The following GID4 variants were observed in gnomAD, a reference collection of about 807,000 sequenced individuals.
GID4 encodes glucose-induced degradation protein 4 homolog.
Under a neutral mutation model 32.4 loss-of-function variants are expected in GID4, and 7 were observed. That is an observed-to-expected ratio of 0.22 (90% CI 0.12 to 0.41). The LOEUF is 0.41. Ranked by LOEUF, GID4 falls within the 10% of genes least tolerant of loss-of-function variation. The pLI is 1.00. For synonymous variants in GID4, 166 were observed against 170.0 expected (o/e 0.98, Z 0.18); for missense variants, 309 against 400.0 (o/e 0.77, Z 1.94).
chr17:18,042,670 C>A (rs551840830), intron 1 of GID4, among the ~76,000 whole-genome samples: 7 of 152,292 alleles, frequency 4.6e-5, no homozygotes, highest in Admixed American at 3.9e-4. Flanking sequence ...TGGTAGATAA[C>A]TACCTGGGAG....
At chr17:18,045,256 C>T in intron 2 of GID4, 50 bp downstream of exon 2, 1 of 1,477,000 alleles carries the variant, frequency 6.8e-7, no homozygotes, top group East Asian at 2.3e-5. Flanking sequence ...TGGTGTGCTC[C>T]ACAGGCTCAT....
intron 5 of GID4, among the ~76,000 whole-genome samples, chr17:18,064,261 G>A (rs2045041129): frequency 6.6e-6 from 1 of 152,130 alleles, no homozygotes; most frequent in African/African-American, 2.4e-5. Context: ...CACAGCAGCT[G>A]CACCATTTTG....
At chr17:18,050,088 T>C (rs780711929) in intron 2 of GID4, among the ~76,000 whole-genome samples, 8 of 152,242 alleles carry the variant, frequency 5.3e-5, no homozygotes, top group Non-Finnish European at 1.0e-4. Flanking sequence ...ATAGTATTCC[T>C]TGGTGTATAT....
chr17:18,058,981 C>T lies in GID4; in HGVS notation c.708+12C>T, dbSNP rs1370483923. The T allele has an allele frequency of 6.6e-7, 1 of 1,525,312 alleles. No individual in the cohort carries two copies. The highest frequency in any genetic ancestry group is 9.1e-7 in the Non-Finnish European group (1 of 1,099,290). The allele number at this position is 1,525,312 out of a possible 1,614,324, so 94.5% of individuals were successfully genotyped here. On this transcript the variant is annotated intron_variant, in intron 4 of 5. Transcript: ENST00000268719. ...TCATGAGGTGGAAGGTAAGTTCCCA[C>T]CAGGTGGCCCTCCAGACTCCCAGCA...
rs555857854 is a variant in GID4 at position 18,049,507 on chromosome 17, C to T, written c.498+4301C>T. 3.9e-5 allele frequency among the ~76,000 whole-genome samples: 6 copies of T among 152,110 alleles called. No homozygotes were observed. The East Asian group carries it at 5.8e-4, about 15-fold the overall frequency. On this transcript the variant is annotated intron_variant, in intron 2 of 5. Transcript: ENST00000268719. ...TTGATCTATAGATAAACTTATGTCA[C>T]GGTTTACCTATGTAACTGTTGTGGA...
intron 3 of GID4, chr17:18,057,240 T>G: frequency 3.8e-6 from 2 of 519,490 alleles, no homozygotes; most frequent in Non-Finnish European, 6.8e-6. Context: ...GAGAACAGCC[T>G]GGCCAACATG....
At chr17:18,051,877 G>A (rs1216721464) in intron 2 of GID4, among the ~76,000 whole-genome samples, 2 of 151,770 alleles carry the variant, frequency 1.3e-5, no homozygotes, top group South Asian at 2.1e-4. Context: ...GATCAAGACC[G>A]TCCTGGCTAA....
At chr17:18,054,293 C>T in intron 3 of GID4, 59 bp downstream of exon 3, 1 of 1,089,888 alleles carries the variant, frequency 9.2e-7, no homozygotes, top group Non-Finnish European at 1.4e-6. Flanking sequence ...TGAAGAAATG[C>T]TGGGAGCCAG....
chr17:18,063,497 G>A (rs1567589729), intron 5 of GID4, among the ~76,000 whole-genome samples: 1 of 152,092 alleles, frequency 6.6e-6, no homozygotes. Context: ...CACCATAAGA[G>A]GAAACCCCAT....
chr17:18,065,435 C>G lies in GID4; in HGVS notation c.*192C>G, dbSNP rs922799976. ...TGGCCCGTGGGGCAGGTGGAGGGAG[C>G]AGTCTTCGTTCTTCCTCCCCTCAGT... On this transcript the variant is annotated 3_prime_UTR_variant, in exon 6 of 6. Transcript: ENST00000268719. 1 of 601,524 alleles carries G rather than the reference C, an allele frequency of 1.7e-6. No individual in the cohort carries two copies. The highest frequency in any genetic ancestry group is 3.0e-6 in the Non-Finnish European group (1 of 335,152). 37.3% of individuals were successfully genotyped at this position (601,524 alleles called of 1,614,324 possible).
chr17:18,042,171 ATCTT>A (rs2044809509), intron 1 of GID4, among the ~76,000 whole-genome samples: 2 of 151,984 alleles, frequency 1.3e-5, no homozygotes, highest in Non-Finnish European at 2.9e-5. Flanking sequence ...TTCTTTTTGT[ATCTT>A]TATTTAGATA....
intron 5 of GID4, among the ~76,000 whole-genome samples, chr17:18,062,388 C>T (rs1042366639): frequency 1.3e-5 from 2 of 152,196 alleles, no homozygotes; most frequent in African/African-American, 2.4e-5. Context: ...AGAGTTGGTC[C>T]GACATGCACT....
Position 18,061,993 on chromosome 17 carries a change from C to T in GID4, c.839+18C>T. 6.2e-6 allele frequency: 10 copies of T among 1,612,212 alleles called. No homozygotes were observed. Among genetic ancestry groups the T allele is most frequent in the South Asian group, 1.1e-5 (1 of 91,070 alleles). Reference sequence around the variant, plus strand: ...TCAGAATGGTGAGGACCTCTGAGGACAGAGGCCACGGGGAGGGCTTGCTGC... The same window carrying T: ...TCAGAATGGTGAGGACCTCTGAGGATAGAGGCCACGGGGAGGGCTTGCTGC... On this transcript the variant is annotated intron_variant, in intron 5 of 5. Transcript: ENST00000268719. The surrounding 1 kb of genome is among the most constrained non-coding windows in gnomAD (Gnocchi z 4.4).
intron 3 of GID4, chr17:18,056,647 A>T: frequency 6.6e-7 from 1 of 1,517,530 alleles, no homozygotes; most frequent in South Asian, 1.2e-5. Context: ...GGCTAGGTTG[A>T]CTACAAATTA....
In GID4 at chr17:18,052,222, G is replaced by T. The variant is rs1597694247; in HGVS notation, c.499-1905G>T. On this transcript the variant is annotated intron_variant, in intron 2 of 5. Transcript: ENST00000268719. ...ACAGTGTTAGGATAGGGGGGTTGTG[G>T]GTTTGGGGCAGTATTAGATTTATCA... 2.0e-5 allele frequency among the ~76,000 whole-genome samples: 3 copies of T among 152,158 alleles called. No individual in the cohort carries two copies. The South Asian group carries it at 6.2e-4, about 32-fold the overall frequency.
chr17:18,047,974 C>A (rs1483441294), intron 2 of GID4, among the ~76,000 whole-genome samples: 1 of 144,452 alleles, frequency 6.9e-6, no homozygotes, highest in Non-Finnish European at 1.5e-5. Flanking sequence ...AATCTCGGCT[C>A]ACTGCAAGCT....
chr17:18,045,908 A>G (rs2044849110), intron 2 of GID4, among the ~76,000 whole-genome samples: 1 of 148,500 alleles, frequency 6.7e-6, no homozygotes, highest in African/African-American at 2.6e-5. Context: ...AAAAAAAAAG[A>G]AAGAAAAAAA....
At chr17:18,041,626 A>G (rs1019571050) in intron 1 of GID4, among the ~76,000 whole-genome samples, 2 of 152,176 alleles carry the variant, frequency 1.3e-5, no homozygotes, top group South Asian at 4.1e-4. Context: ...GCACCTAGTC[A>G]TAGAATTCTG....
chr17:18,050,077 C>T (rs1597692966), intron 2 of GID4, among the ~76,000 whole-genome samples: 1 of 152,338 alleles, frequency 6.6e-6, no homozygotes, highest in South Asian at 2.1e-4. Context: ...TTTATGGCTT[C>T]ATAGTATTCC....
Sources: allele counts gnomAD v4.1 joint callset (sites outside exome capture counted in the v4.1 genomes callset), GRCh38; gene constraint gnomAD v4.1.1; non-coding constraint Gnocchi (gnomAD v3.1); transcripts MANE v1.5; gene names NCBI Gene and HGNC (gene_info 2026-07-23, HGNC 2026-07-21).